TSPAN9: variants seen among roughly 807,000 people sequenced by gnomAD.
TSPAN9 encodes tetraspanin 9.
In TSPAN9, 16 loss-of-function variants were observed where a neutral mutation model predicts 31.0. The ratio of observed to expected loss-of-function variants is 0.52; its 90% CI spans 0.35 to 0.78. The LOEUF (loss-of-function observed/expected upper bound fraction) is 0.78, where lower values mean the gene tolerates loss of function less well. Ranked by LOEUF, TSPAN9 falls within the 30% of genes least tolerant of loss-of-function variation. The pLI is 0.01. For missense variants in TSPAN9, 272 were observed against 312.5 expected, an observed-to-expected ratio of 0.87 and a Z score of 0.98; for synonymous variants, 145 against 121.6, an observed-to-expected ratio of 1.19 and a Z score of -1.27.
chr12:3,211,430 G>A (rs2098378637), intron 3 of TSPAN9, among the ~76,000 whole-genome samples: 1 of 152,082 alleles, frequency 6.6e-6, no homozygotes, highest in Non-Finnish European at 1.5e-5. Flanking sequence ...TTTTTCAAGA[G>A]TATTTTTGCT....
At chr12:3,272,118 G>T (rs531067084) in intron 3 of TSPAN9, among the ~76,000 whole-genome samples, 20 of 152,314 alleles carry the variant, frequency 1.3e-4, no homozygotes, top group African/African-American at 4.6e-4. Flanking sequence ...GTGGATGAGG[G>T]TGTCAGGGGG....
chr12:3,272,130 C>G (rs912787690), intron 3 of TSPAN9, among the ~76,000 whole-genome samples: 1 of 152,100 alleles, frequency 6.6e-6, no homozygotes, highest in Admixed American at 6.5e-5. Context: ...GTCAGGGGGG[C>G]CAGGTCAGGG....
At chr12:3,120,089 C>T (rs918021710) in intron 2 of TSPAN9, among the ~76,000 whole-genome samples, 3 of 152,126 alleles carry the variant, frequency 2.0e-5, no homozygotes, top group Non-Finnish European at 4.4e-5. Context: ...CCACTCGTTC[C>T]CTCTTCCTTT....
chr12:3,282,901 C>T (rs1862924924), intron 8 of TSPAN9, 144 bp from the exon 9 acceptor site: 1 of 735,048 alleles, frequency 1.4e-6, no homozygotes, highest in South Asian at 1.6e-5. Context: ...TTCTTCATGT[C>T]TTCATTCCAT....
At chr12:3,231,267 G>C (rs2153976085) in intron 3 of TSPAN9, among the ~76,000 whole-genome samples, 1 of 152,254 alleles carries the variant, frequency 6.6e-6, no homozygotes, top group Non-Finnish European at 1.5e-5. Context: ...CCCTAACTCT[G>C]TGACCTTGGG....
chr12:3,113,004 C>T (rs1224996733), intron 2 of TSPAN9, among the ~76,000 whole-genome samples: 1 of 152,136 alleles, frequency 6.6e-6, no homozygotes, highest in Non-Finnish European at 1.5e-5. Context: ...GAAATTCTTA[C>T]ATTTCCTTCT....
In TSPAN9 at chr12:3,140,931, A is replaced by G. The variant is rs192615816; in HGVS notation, c.-18+57212A>G. Reference sequence around the variant, plus strand: ...TTTGGATGTGTCTAGATTAAGGACCAAGGGTGTTTTGGGTTATTGGAGAAG... The same window carrying G: ...TTTGGATGTGTCTAGATTAAGGACCGAGGGTGTTTTGGGTTATTGGAGAAG... On this transcript the variant is annotated intron_variant, in intron 2 of 8. Coordinates refer to ENST00000011898, the MANE Select transcript of TSPAN9 (RefSeq NM_006675.5). 8.0e-4 allele frequency among the ~76,000 whole-genome samples: 122 copies of G among 151,830 alleles called. 2 individuals carry two copies. The East Asian group carries it at 0.019, about 24-fold the overall frequency.
intron 2 of TSPAN9, among the ~76,000 whole-genome samples, chr12:3,123,730 A>G (rs2098326160): frequency 1.3e-5 from 2 of 151,574 alleles, no homozygotes; most frequent in African/African-American, 2.4e-5. Flanking sequence ...CCTTGCAGGC[A>G]CTCTCTGGGA....
At chr12:3,154,068 C>T (rs12308493) in intron 2 of TSPAN9, among the ~76,000 whole-genome samples, 5,326 of 151,974 alleles carry the variant, frequency 0.035, 317 homozygotes, top group African/African-American at 0.12. Flanking sequence ...ATCTGTTTCT[C>T]TGTCTAGCTG....
chr12:3,206,133 A>G, intron 3 of TSPAN9: 1 of 377,832 alleles, frequency 2.6e-6, no homozygotes, highest in South Asian at 1.9e-5. Flanking sequence ...GCCTGCTCCT[A>G]TCTCCATGTG....
chr12:3,121,536 T>G (rs991281922), intron 2 of TSPAN9, among the ~76,000 whole-genome samples: 3,116 of 27,356 alleles, frequency 0.11, 276 homozygotes, highest in African/African-American at 0.22. Flanking sequence ...ATTAAAACTT[T>G]TTTTTTTTTT....
intron 2 of TSPAN9, among the ~76,000 whole-genome samples, chr12:3,116,297 G>C (rs2098322384): frequency 6.6e-6 from 1 of 152,188 alleles, no homozygotes; most frequent in Non-Finnish European, 1.5e-5. Context: ...CTGCTGCCTG[G>C]ACATTTGACC....
chr12:3,078,877 A>G (rs1472690020), intron 1 of TSPAN9, among the ~76,000 whole-genome samples: 1 of 151,898 alleles, frequency 6.6e-6, no homozygotes, highest in African/African-American at 2.4e-5. Context: ...AACAATAACT[A>G]GTGTTGATAA....
chr12:3,160,386 T>C (rs2098344426), intron 2 of TSPAN9, among the ~76,000 whole-genome samples: 1 of 152,256 alleles, frequency 6.6e-6, no homozygotes, highest in African/African-American at 2.4e-5. Context: ...TTTGGCTATT[T>C]TGAATAATGC....
intron 3 of TSPAN9, among the ~76,000 whole-genome samples, chr12:3,219,277 C>T (rs577261012): frequency 6.6e-6 from 1 of 152,322 alleles, no homozygotes; most frequent in South Asian, 2.1e-4. Flanking sequence ...GACATGCAAC[C>T]TGCCCTGTGC....
At chr12:3,154,010 A>ATGTGTGTG (rs56928697) in intron 2 of TSPAN9, among the ~76,000 whole-genome samples, 21 of 147,902 alleles carry the variant, frequency 1.4e-4, no homozygotes, top group East Asian at 2.0e-4. Context: ...TTATATATAT[A>ATGTGTGTG]TGTGTGTGTG....
At chr12:3,224,412 C>T (rs2011973) in intron 3 of TSPAN9, among the ~76,000 whole-genome samples, 29,852 of 152,202 alleles carry the variant, frequency 0.2, 3,379 homozygotes, top group South Asian at 0.45. Context: ...CAGAATGCAG[C>T]GAGTCTGGCC....
At chr12:3,097,259 G>A (rs2098309582) in intron 2 of TSPAN9, among the ~76,000 whole-genome samples, 1 of 152,206 alleles carries the variant, frequency 6.6e-6, no homozygotes, top group African/African-American at 2.4e-5. Context: ...GGTCACCTCA[G>A]AGCTCCCAGC....
intron 2 of TSPAN9, among the ~76,000 whole-genome samples, chr12:3,125,906 C>T (rs955596819): frequency 1.3e-5 from 2 of 152,152 alleles, no homozygotes; most frequent in African/African-American, 4.8e-5. Flanking sequence ...CTCAGCACAT[C>T]GCCTGGCATT....
Sources: gnomAD v4.1 joint callset for allele counts (sites outside exome capture counted in the v4.1 genomes callset) on GRCh38, gnomAD v4.1.1 for gene constraint, MANE v1.5 for transcripts, NCBI Gene and HGNC (gene_info 2026-07-23, HGNC 2026-07-21) for gene names.